Variants in SETD1B observed in about 807,000 individuals in gnomAD.
SETD1B encodes SET domain containing 1B, histone lysine methyltransferase.
SETD1B carries 7 observed loss-of-function variants against 148.0 expected under a neutral mutation model. The observed-to-expected ratio is 0.05, with a 90% CI of 0.03 to 0.09. The LOEUF is 0.09. Ranked by LOEUF, SETD1B falls within the 10% of genes least tolerant of loss-of-function variation. The probability of loss-of-function intolerance (pLI) is 1.00; values close to 1 mark genes in which losing one functional copy is unlikely to be tolerated. For missense variants in SETD1B, 2,155 were observed against 2,729.9 expected (o/e 0.79, Z 4.69); for synonymous variants, 1,361 against 1,186.5 (o/e 1.15, Z -3.02).
chr12:121,822,368 A>T lies in SETD1B; in HGVS notation c.3911-122A>T, dbSNP rs1876599580. ...GAGTCCTTGAGGGGTTTAGCTGGAG[A>T]AGGACAGGTCCCGTGCTCAGACTCA... is the stretch of plus-strand genomic sequence containing the variant. On this transcript the variant is annotated intron_variant, in intron 11 of 16. Coordinates refer to ENST00000604567, the MANE Select transcript of SETD1B (RefSeq NM_001353345.2). The T allele has an allele frequency of 7.6e-6, 9 of 1,185,178 alleles. No individual in the cohort carries two copies. The East Asian group carries it at 2.3e-4, about 31-fold the overall frequency. The allele number at this position is 1,185,178 out of a possible 1,614,324, so 73.4% of individuals were successfully genotyped here. A position where few individuals can be genotyped will look rare whatever the true frequency, so the allele number is the denominator to read the frequency against.
chr12:121,807,980 GCTT>G (rs1875832994), intron 4 of SETD1B, among the ~76,000 whole-genome samples: 1 of 152,112 alleles, frequency 6.6e-6, no homozygotes, highest in Admixed American at 6.5e-5. Flanking sequence ...GGAGACATGA[GCTT>G]CTGGATCTCA....
intron 13 of SETD1B, among the ~76,000 whole-genome samples, chr12:121,826,208 G>A (rs1039783003): frequency 6.6e-6 from 1 of 152,154 alleles, no homozygotes. Context: ...ACGGTACCCA[G>A]CTGGAATTTA....
chr12:121,819,365 G>A lies in SETD1B; in HGVS notation c.3419-39G>A, dbSNP rs374556353. ...GGTCTGGTGGGGGCTGGGGCACAGC[G>A]GGTCCTCAGGCAGCCCCTCGTCTGT... On this transcript the variant is annotated intron_variant, in intron 10 of 16. Coordinates refer to ENST00000604567, the MANE Select transcript of SETD1B (RefSeq NM_001353345.2). The A allele has an allele frequency of 1.3e-3, 1,952 of 1,550,150 alleles. 5 individuals carry two copies. Among genetic ancestry groups the A allele is most frequent in the Non-Finnish European group, 1.5e-3 (1,742 of 1,146,718 alleles).
chr12:121,802,728 A>G (rs1875450510), upstream of SETD1B: 1 of 152,230 alleles, frequency 6.6e-6, no homozygotes, highest in Non-Finnish European at 1.5e-5. Context: ...GTCATAAGGA[A>G]AAATCCAGAT....
At chr12:121,816,238 C>G (rs1289912309) in intron 7 of SETD1B, among the ~76,000 whole-genome samples, 2 of 152,096 alleles carry the variant, frequency 1.3e-5, no homozygotes, top group Non-Finnish European at 2.9e-5. Flanking sequence ...TTAAACTCCC[C>G]TTAATCCCTC....
intron 13 of SETD1B, among the ~76,000 whole-genome samples, chr12:121,825,847 T>C (rs1023928228): frequency 5.3e-5 from 8 of 152,124 alleles, no homozygotes; most frequent in Non-Finnish European, 1.0e-4. Flanking sequence ...GGTTTTGCCA[T>C]GTTGGCCAGG....
Position 121,810,195 on chromosome 12 carries a change from C to T in SETD1B, c.1250C>T (p.Thr417Ile), listed in dbSNP as rs1216549940. ...CCACCCCCGGAAGAGCCCACCGCCA[C>T]AGCCGCTTTTGGGGCCCGCGACAGT... Reference protein sequence around the residue: ...FPPPPEEPTATAAFGARDSGE... With the variant: ...FPPPPEEPTAIAAFGARDSGE... The change falls in exon 6 of 17, where the codon ACA becomes ATA. Residue 417 changes from threonine (T) to isoleucine (I), a missense_variant. Physicochemically the swap from Thr to Ile is moderately conservative, Grantham distance 89. This residue lies in a region of SETD1B where 376 missense variants were observed against 385.0 expected (regional missense o/e 0.98). Transcript: ENST00000604567. The surrounding 1 kb of genome is among the most constrained non-coding windows in gnomAD (Gnocchi z 7.6). 1 of 1,549,816 alleles carries T rather than the reference C, an allele frequency of 6.5e-7. No individual in the cohort carries two copies. The highest frequency in any genetic ancestry group is 8.7e-7 in the Non-Finnish European group (1 of 1,146,840).
At chr12:121,793,809 G>C in the SETD1B span, 2 of 525,864 alleles carry the variant, frequency 3.8e-6, no homozygotes, top group South Asian at 5.7e-5. Flanking sequence ...CTCAGCCCTG[G>C]GTGTGGGTAT....
rs1179272811 is a variant in SETD1B at position 121,814,738 on chromosome 12, C to T, written c.2523C>T (p.Asp841=). 2.0e-5 allele frequency: 31 copies of T among 1,551,104 alleles called. No homozygotes were observed. The highest frequency in any genetic ancestry group is 2.5e-5 in the Non-Finnish European group (29 of 1,147,002). Residue 841 remains aspartate (D), a synonymous_variant, in exon 7 of 17, where the codon GAC becomes GAT. Transcript: ENST00000604567. Reference sequence around the variant, plus strand: ...ACTGGCCACCACTGCCCAAGTTTGACCCGTCAGTGCCTCCACCAGGCTACA... The same window carrying T: ...ACTGGCCACCACTGCCCAAGTTTGATCCGTCAGTGCCTCCACCAGGCTACA... ...GQHWPPLPKF[D]PSVPPPGYMP... is the part of the protein sequence containing the mutation.
rs558765938 is a variant in SETD1B, at chr12:121,814,703, C to T, written c.2488C>T (p.Arg830Cys). ...CTCCCTGAGCAACTCCGGCCCAGGCCGCGGGCAGCACTGGCCACCACTGCC... is the reference window on the plus strand; with the variant it reads ...CTCCCTGAGCAACTCCGGCCCAGGCTGCGGGCAGCACTGGCCACCACTGCC... ...PFSLSNSGPG[R>C]GQHWPPLPKF... The change falls in exon 7 of 17, where the codon CGC becomes TGC. Residue 830 changes from arginine to cysteine, a missense_variant. Coordinates refer to ENST00000604567, the MANE Select transcript of SETD1B (RefSeq NM_001353345.2). 9 of 1,550,738 alleles carry T rather than the reference C, an allele frequency of 5.8e-6. No homozygotes were observed. Among genetic ancestry groups the T allele is most frequent in the Middle Eastern group, 1.7e-4 (1 of 5,990 alleles).
At chr12:121,794,608 A>G in the SETD1B span, among the ~76,000 whole-genome samples, 2 of 151,310 alleles carry the variant, frequency 1.3e-5, no homozygotes, top group Admixed American at 6.6e-5. Flanking sequence ...AATCCCCCCA[A>G]CTCTCCCATC....
Position 121,810,457 on chromosome 12 carries a change from G to A in SETD1B, c.1512G>A (p.Glu504=), listed in dbSNP as rs780949008. 2 of 1,548,894 alleles carry A rather than the reference G, an allele frequency of 1.3e-6. No homozygotes were observed. The highest frequency in any genetic ancestry group is 2.4e-5 in the South Asian group (2 of 84,078). Residue 504 remains glutamate, a synonymous_variant, in exon 6 of 17, where the codon GAG becomes GAA. Coordinates refer to ENST00000604567, the MANE Select transcript of SETD1B (RefSeq NM_001353345.2). The surrounding 1 kb of genome is among the most constrained non-coding windows in gnomAD (Gnocchi z 7.6). ...KPHDSLDSRI[E]MLLKEQRTKL... ...ACGACAGCCTGGACTCGCGCATCGAGATGCTGCTGAAGGAGCAGCGCACCA... is the reference window on the plus strand; with the variant it reads ...ACGACAGCCTGGACTCGCGCATCGAAATGCTGCTGAAGGAGCAGCGCACCA...
Position 121,817,728 on chromosome 12 carries a change from C to T in SETD1B, c.3312+24C>T, listed in dbSNP as rs1566554090. ...AGGTGCCTAGCAGGCCAGGAAGCCT[C>T]AGGGGGCCGGGCCAGGCGACGAGGG... On this transcript the variant is annotated intron_variant, in intron 9 of 16. Transcript: ENST00000604567. This position sits in a 1 kb window ranked among gnomAD's most constrained non-coding sequence, Gnocchi z 8.1. 1 of 1,538,628 alleles carries T rather than the reference C, an allele frequency of 6.5e-7. No individual in the cohort carries two copies.
chr12:121,820,405 A>T (rs1389582003), intron 11 of SETD1B, among the ~76,000 whole-genome samples: 1 of 152,290 alleles, frequency 6.6e-6, no homozygotes, highest in African/African-American at 2.4e-5. Flanking sequence ...TAGCCTTCAG[A>T]CACAATGTTG....
chr12:121,806,944 G>A (rs758370495), intron 4 of SETD1B, among the ~76,000 whole-genome samples: 14 of 152,284 alleles, frequency 9.2e-5, no homozygotes, highest in South Asian at 2.1e-4. Context: ...GGTGCCGAGT[G>A]CTTTGAGGGC....
At position 121,822,584 on chromosome 12, in the gene SETD1B, C is replaced by G; in HGVS notation, c.4005C>G (p.Ser1335Arg). The change falls in exon 12 of 17, where the codon AGC becomes AGG. Residue 1335 changes from serine (S) to arginine (R), a missense_variant. Coordinates refer to ENST00000604567, the MANE Select transcript of SETD1B (RefSeq NM_001353345.2). ...LPPPRPPRPP[S>R]PPPEPETTDA... ...CCCCACGACCACCCCGGCCACCCAGCCCACCGCCGGAGCCTGAGACCACAG... is the reference window on the plus strand; with the variant it reads ...CCCCACGACCACCCCGGCCACCCAGGCCACCGCCGGAGCCTGAGACCACAG... 6.4e-7 allele frequency: 1 copy of G among 1,551,352 alleles called. No homozygotes were observed. Among genetic ancestry groups the G allele is most frequent in the Non-Finnish European group, 8.7e-7 (1 of 1,146,824 alleles).
chr12:121,817,966 C>CT lies in SETD1B; in HGVS notation c.3418+63dup. 1 of 1,438,520 alleles carries CT rather than the reference C, an allele frequency of 7.0e-7. No homozygotes were observed. Among genetic ancestry groups the CT allele is most frequent in the Non-Finnish European group, 9.3e-7 (1 of 1,081,060 alleles). 89.1% of individuals were successfully genotyped at this position (1,438,520 alleles called of 1,614,324 possible). ...AGTCCCTCTTTCCCCGGGGCAGAGC[C>CT]TGAGCAATTGTCAGAAATACTTCTG... On this transcript the variant is annotated intron_variant, in intron 10 of 16. Coordinates refer to ENST00000604567, the MANE Select transcript of SETD1B (RefSeq NM_001353345.2). This position sits in a 1 kb window ranked among gnomAD's most constrained non-coding sequence, Gnocchi z 8.1.
Position 121,825,260 on chromosome 12 carries a change from C to A in SETD1B, c.5231C>A (p.Thr1744Lys). Reference protein sequence around the residue: ...KRDDGIREHVTGCARSEGFYT... With the variant: ...KRDDGIREHVKGCARSEGFYT... ...GACGATGGCATCCGCGAGCACGTGA[C>A]GGGCTGTGCCCGCAGTGAGGGCTTC... The change falls in exon 13 of 17, where the codon ACG (threonine) becomes AAG (lysine). Residue 1744 changes from threonine to lysine, a missense_variant. Thr to Lys is a moderately conservative substitution (Grantham distance 78, BLOSUM62 -1). Transcript: ENST00000604567. 1 of 1,551,820 alleles carries A rather than the reference C, an allele frequency of 6.4e-7. No homozygotes were observed. Among genetic ancestry groups the A allele is most frequent in the Non-Finnish European group, 8.7e-7 (1 of 1,147,052 alleles).
In SETD1B at chr12:121,823,581, C is replaced by G; in HGVS notation, c.5002C>G (p.Leu1668Val). The part of the protein sequence containing the change: ...GSPELSPPQP[L>V]FRPRSEFEEM... ...GCCCGAACTCTCGCCACCCCAGCCC[C>G]TCTTCCGGCCCCGCTCGGAGTTTGA... Residue 1668 changes from leucine to valine, a missense_variant, in exon 12 of 17, where the codon CTC (leucine) becomes GTC (valine). Transcript: ENST00000604567. 6.4e-7 allele frequency: 1 copy of G among 1,551,526 alleles called. No homozygotes were observed. Among genetic ancestry groups the G allele is most frequent in the Non-Finnish European group, 8.7e-7 (1 of 1,146,972 alleles).
Sources: allele counts gnomAD v4.1 joint callset (sites outside exome capture counted in the v4.1 genomes callset), GRCh38; gene constraint gnomAD v4.1.1; regional missense constraint gnomAD v4.1.1; non-coding constraint Gnocchi (gnomAD v3.1); transcripts MANE v1.5; gene names NCBI Gene and HGNC (gene_info 2026-07-23, HGNC 2026-07-21).